PROSER2: variants seen among roughly 807,000 people sequenced by gnomAD.
The protein encoded by PROSER2 is proline and serine-rich protein 2.
A neutral mutation model predicts 14.6 loss-of-function variants in PROSER2; 18 were observed. The ratio of observed to expected loss-of-function variants is 1.23; its 90% CI spans 0.85 to 1.83. The LOEUF is 1.83. Ranked by LOEUF, PROSER2 falls within the 40% of genes most tolerant of loss-of-function variation. The pLI is 0.00. For missense variants in PROSER2, 823 were observed against 629.8 expected (o/e 1.31, Z -3.28); for synonymous variants, 367 against 286.4 (o/e 1.28, Z -2.84).
chr10:11,870,009 A>AG lies in PROSER2; in HGVS notation c.916dup (p.Ala306GlyfsTer22). On this transcript the variant is annotated frameshift_variant, in exon 4 of 4. Coordinates refer to ENST00000277570, the MANE Select transcript of PROSER2 (RefSeq NM_153256.4). LOFTEE classifies it low-confidence loss of function (END_TRUNC). ...TTCCCCGCCGCGGGGGACGCCGGCGAGGGGGCCCCAGGGGGCGGCTCCTCC... is the reference window on the plus strand; with the variant it reads ...TTCCCCGCCGCGGGGGACGCCGGCGAGGGGGGCCCCAGGGGGCGGCTCCTCC... 3 of 1,242,122 alleles carry AG rather than the reference A, an allele frequency of 2.4e-6. No individual in the cohort carries two copies. The highest frequency in any genetic ancestry group is 3.0e-6 in the Non-Finnish European group (3 of 993,936). The allele number at this position is 1,242,122 out of a possible 1,614,324, so 76.9% of individuals were successfully genotyped here. A position where few individuals can be genotyped will look rare whatever the true frequency, so the allele number is the denominator to read the frequency against.
chr10:11,869,426 G>C lies in PROSER2; in HGVS notation c.392-64G>C, dbSNP rs72775915. ...TGAGGCTCTTTTCAGTTCAGCGAGA[G>C]GGAACTTCATGCATTTACTTTCACG... On this transcript the variant is annotated intron_variant, in intron 3 of 3. Coordinates refer to ENST00000277570, the MANE Select transcript of PROSER2 (RefSeq NM_153256.4). This position sits in a 1 kb window ranked among gnomAD's most constrained non-coding sequence, Gnocchi z 4.4. The C allele has an allele frequency of 0.14, 170,353 of 1,261,146 alleles. 12,710 individuals carry two copies. The highest frequency in any genetic ancestry group is 0.15 in the Non-Finnish European group (131,140 of 863,766). 78.1% of individuals were successfully genotyped at this position (1,261,146 alleles called of 1,614,324 possible). A position where few individuals can be genotyped will look rare whatever the true frequency, so the allele number is the denominator to read the frequency against.
intron 1 of PROSER2, among the ~76,000 whole-genome samples, chr10:11,826,825 C>T (rs1260765404): frequency 4.6e-5 from 7 of 151,408 alleles, no homozygotes; most frequent in African/African-American, 7.3e-5. Flanking sequence ...CGTGATCCGC[C>T]GGCTTCGGCC....
chr10:11,865,984 G>T lies in PROSER2; in HGVS notation c.139-547G>T, dbSNP rs1184159484. ...GGGCCTTCTCAGTCAGTTTCCACCT[G>T]TCCTGCTCTCCGGCTGCCCTGCTTT... is the stretch of plus-strand genomic sequence containing the variant. On this transcript the variant is annotated intron_variant, in intron 2 of 3. Transcript: ENST00000277570. This position sits in a 1 kb window ranked among gnomAD's most constrained non-coding sequence, Gnocchi z 4.2. Among the ~76,000 whole-genome samples, 1 of 152,064 alleles carries T rather than the reference G, an allele frequency of 6.6e-6. No individual in the cohort carries two copies. Among genetic ancestry groups the T allele is most frequent in the East Asian group, 1.9e-4 (1 of 5,200 alleles).
chr10:11,852,287 G>A (rs1834035784), intron 2 of PROSER2, 72 bp downstream of exon 2: 1 of 1,474,074 alleles, frequency 6.8e-7, no homozygotes, highest in Non-Finnish European at 9.1e-7. Context: ...CCTCTCCCTT[G>A]AAGGAATATT....
intron 2 of PROSER2, among the ~76,000 whole-genome samples, chr10:11,852,682 CTATTTT>C (rs1173575846): frequency 8.5e-6 from 1 of 117,522 alleles, no homozygotes; most frequent in Non-Finnish European, 1.8e-5. Context: ...CCACACCCGG[CTATTTT>C]TTTTTTTTTT....
At position 11,870,830 on chromosome 10, in the gene PROSER2, C is replaced by T. The variant is rs74714876; in HGVS notation, c.*424C>T. ...TCAGATCCCTTCCACTCAGGATTCT[C>T]GCCGCCTTTTCTAAGAAAATAATAA... On this transcript the variant is annotated 3_prime_UTR_variant, in exon 4 of 4. Transcript: ENST00000277570. 2,965 of 175,412 alleles carry T rather than the reference C, an allele frequency of 0.017. 83 individuals are homozygous for T. The highest frequency in any genetic ancestry group is 0.066 in the African/African-American group (2,754 of 41,852). The allele number at this position is 175,412 out of a possible 1,614,324, so 10.9% of individuals were successfully genotyped here.
At chr10:11,828,301 GAAA>G (rs11297440) in intron 1 of PROSER2, among the ~76,000 whole-genome samples, 8 of 136,218 alleles carry the variant, frequency 5.9e-5, no homozygotes, top group Admixed American at 1.5e-4. Context: ...CTCTCTGTGT[GAAA>G]AAAAAAAAAA....
At chr10:11,853,170 T>C (rs1834060382) in intron 2 of PROSER2, among the ~76,000 whole-genome samples, 1 of 152,206 alleles carries the variant, frequency 6.6e-6, no homozygotes, top group Admixed American at 6.5e-5. Context: ...AGCCATAAAA[T>C]TAGCCTCAGT....
At chr10:11,855,917 A>G (rs531717389) in intron 2 of PROSER2, among the ~76,000 whole-genome samples, 5 of 152,268 alleles carry the variant, frequency 3.3e-5, no homozygotes, top group African/African-American at 1.2e-4. Context: ...ATTTCTCAAG[A>G]GGCTAGTTGT....
intron 1 of PROSER2, among the ~76,000 whole-genome samples, chr10:11,840,047 G>A (rs955234554): frequency 4.0e-5 from 6 of 151,322 alleles, no homozygotes; most frequent in Non-Finnish European, 7.4e-5. Context: ...CAGCCTCCCA[G>A]TCTCAAGTGA....
At position 11,865,342 on chromosome 10, in the gene PROSER2, G is replaced by A. The variant is rs970948610; in HGVS notation, c.139-1189G>A. Among the ~76,000 whole-genome samples, 2 of 151,764 alleles carry A rather than the reference G, an allele frequency of 1.3e-5. No individual in the cohort carries two copies. Among genetic ancestry groups the A allele is most frequent in the Non-Finnish European group, 2.9e-5 (2 of 67,934 alleles). On this transcript the variant is annotated intron_variant, in intron 2 of 3. Coordinates refer to ENST00000277570, the MANE Select transcript of PROSER2 (RefSeq NM_153256.4). The surrounding 1 kb of genome is among the most constrained non-coding windows in gnomAD (Gnocchi z 4.2). ...AAGAAAAAAAATCATGCTGTTTATG[G>A]ATTCAGTATCCCCTCTTATCTGACA...
At chr10:11,855,640 C>G (rs1002441200) in intron 2 of PROSER2, among the ~76,000 whole-genome samples, 4 of 151,962 alleles carry the variant, frequency 2.6e-5, no homozygotes, top group Non-Finnish European at 5.9e-5. Context: ...ATTTAAAAAG[C>G]GTCCAGGTTT....
At chr10:11,845,335 GGCTGCTTTCAAGATTTGTA>G (rs1469119338) in intron 1 of PROSER2, among the ~76,000 whole-genome samples, 15 of 152,046 alleles carry the variant, frequency 9.9e-5, no homozygotes, top group Non-Finnish European at 1.8e-4. Flanking sequence ...ACGGTTTTGA[GGCTGCTTTCAAGATTTGTA>G]GCTGCTTTTA....
chr10:11,852,181 G>C lies in PROSER2; in HGVS notation c.104G>C (p.Arg35Pro). 6.2e-7 allele frequency: 1 copy of C among 1,612,764 alleles called. No homozygotes were observed. Among genetic ancestry groups the C allele is most frequent in the Non-Finnish European group, 8.5e-7 (1 of 1,179,414 alleles). ...AFSRGGSLES[R>P]SSSSRSRSFT... ...AGCAGAGGCGGCAGCCTGGAGAGTC[G>C]AAGCAGCAGCTCTCGCTCCAGAAGC... is the stretch of plus-strand genomic sequence containing the variant. Residue 35 changes from arginine (R) to proline (P), a missense_variant, in exon 2 of 4, where the codon CGA (arginine) becomes CCA (proline). Physicochemically the swap from Arg to Pro is moderately radical, Grantham distance 103. Coordinates refer to ENST00000277570, the MANE Select transcript of PROSER2 (RefSeq NM_153256.4).
rs907866731 is a variant in PROSER2 at position 11,870,463 on chromosome 10, G to T, written c.*57G>T. ...TCCCCACCCTGAAGAGAGGGTGAAA[G>T]AGTCGCTGCACCCAGGAGCTGTTTG... On this transcript the variant is annotated 3_prime_UTR_variant, in exon 4 of 4. Transcript: ENST00000277570. 2 of 1,322,872 alleles carry T rather than the reference G, an allele frequency of 1.5e-6. No individual in the cohort carries two copies. The highest frequency in any genetic ancestry group is 1.6e-5 in the South Asian group (1 of 60,648). The allele number at this position is 1,322,872 out of a possible 1,614,324, so 81.9% of individuals were successfully genotyped here.
chr10:11,843,103 G>A (rs1833872271), intron 1 of PROSER2, among the ~76,000 whole-genome samples: 1 of 150,126 alleles, frequency 6.7e-6, no homozygotes, highest in Admixed American at 6.6e-5. Flanking sequence ...ACCATGCCCG[G>A]CTAATTTTTT....
At chr10:11,857,896 G>T (rs942518960) in intron 2 of PROSER2, among the ~76,000 whole-genome samples, 8 of 152,260 alleles carry the variant, frequency 5.3e-5, no homozygotes, top group East Asian at 1.9e-4. Flanking sequence ...CTCACAGGGG[G>T]TTGCCACAAT....
rs1455368039 is a variant in PROSER2, at chr10:11,856,970, C to G, written c.138+4755C>G. Among the ~76,000 whole-genome samples, 2 of 152,250 alleles carry G rather than the reference C, an allele frequency of 1.3e-5. No individual in the cohort carries two copies. Among genetic ancestry groups the G allele is most frequent in the Admixed American group, 6.5e-5 (1 of 15,286 alleles). Reference sequence around the variant, plus strand: ...CCTTTCATGCTGCCTTCTCACCCAGCTGGAATCCAAATGGTCCTGGTCAAA... The same window carrying G: ...CCTTTCATGCTGCCTTCTCACCCAGGTGGAATCCAAATGGTCCTGGTCAAA... On this transcript the variant is annotated intron_variant, in intron 2 of 3. Transcript: ENST00000277570. This position sits in a 1 kb window ranked among gnomAD's most constrained non-coding sequence, Gnocchi z 5.3.
chr10:11,825,216 T>G (rs932878963), intron 1 of PROSER2, among the ~76,000 whole-genome samples: 4 of 150,982 alleles, frequency 2.6e-5, no homozygotes, highest in Non-Finnish European at 5.9e-5. Flanking sequence ...AGGAAGGGCC[T>G]GCGTAGAGCA....
Sources: allele counts gnomAD v4.1 joint callset (sites outside exome capture counted in the v4.1 genomes callset), GRCh38; gene constraint gnomAD v4.1.1; non-coding constraint Gnocchi (gnomAD v3.1); transcripts MANE v1.5; gene names NCBI Gene and HGNC (gene_info 2026-07-23, HGNC 2026-07-21).